ARHGAP24: variants seen among roughly 807,000 people sequenced by gnomAD.
ARHGAP24 encodes Rho GTPase activating protein 24, also known as rho GTPase-activating protein 24.
A neutral mutation model predicts 76.4 loss-of-function variants in ARHGAP24; 50 were observed. The observed-to-expected ratio is 0.65, with a 90% CI of 0.52 to 0.83. The LOEUF is 0.83. Among genes scored for constraint, ARHGAP24 ranks in the 40% least tolerant of loss-of-function variants. The pLI is 0.00. For missense variants in ARHGAP24, 930 were observed against 914.2 expected (o/e 1.02, Z -0.22); for synonymous variants, 345 against 323.3 (o/e 1.07, Z -0.72).
At chr4:85,786,328 C>G (rs893612369) in intron 3 of ARHGAP24, among the ~76,000 whole-genome samples, 2 of 152,164 alleles carry the variant, frequency 1.3e-5, no homozygotes, top group African/African-American at 2.4e-5. Context: ...CTTCCTTTCT[C>G]TCTTCATCTT....
At chr4:85,650,961 C>T (rs959234490) in intron 2 of ARHGAP24, among the ~76,000 whole-genome samples, 3 of 149,592 alleles carry the variant, frequency 2.0e-5, no homozygotes, top group Admixed American at 6.6e-5. Flanking sequence ...TATAAAGTCC[C>T]AGGATAACCT....
intron 2 of ARHGAP24, among the ~76,000 whole-genome samples, chr4:85,679,013 G>A (rs1247622307): frequency 6.6e-6 from 1 of 152,154 alleles, no homozygotes; most frequent in African/African-American, 2.4e-5. Flanking sequence ...AGGCGCAGGA[G>A]TCACGCAAAA....
Position 85,508,515 on chromosome 4 carries a change from T to A in ARHGAP24, c.-21+32956T>A, listed in dbSNP as rs532832590. Among the ~76,000 whole-genome samples, 7 of 152,288 alleles carry A rather than the reference T, an allele frequency of 4.6e-5. No individual in the cohort carries two copies. In the East Asian group the frequency reaches 1.2e-3, roughly 25 times the overall value. ...GACCTAAGGCAAAAAGACCGAGTTTTGTCATCTCCAGCCAAAAGAGAAACA... is the reference window on the plus strand; with the variant it reads ...GACCTAAGGCAAAAAGACCGAGTTTAGTCATCTCCAGCCAAAAGAGAAACA... On this transcript the variant is annotated intron_variant, in intron 1 of 9. Coordinates refer to ENST00000395184, the MANE Select transcript of ARHGAP24 (RefSeq NM_001025616.3).
intron 3 of ARHGAP24, among the ~76,000 whole-genome samples, chr4:85,756,837 T>A (rs951099061): frequency 6.6e-6 from 1 of 152,198 alleles, no homozygotes; most frequent in African/African-American, 2.4e-5. Context: ...AAGCCCCGTG[T>A]TGACCAAGGG....
At chr4:85,963,659 A>G (rs116697750) in intron 5 of ARHGAP24, among the ~76,000 whole-genome samples, 6,738 of 152,148 alleles carry the variant, frequency 0.044, 524 homozygotes, top group African/African-American at 0.15. Context: ...CTAAATTTTT[A>G]ATTTACATAG....
intron 2 of ARHGAP24, among the ~76,000 whole-genome samples, chr4:85,658,919 T>C (rs775707385): frequency 1.3e-5 from 2 of 152,210 alleles, no homozygotes; most frequent in African/African-American, 2.4e-5. Flanking sequence ...TCTTGTATTT[T>C]CAGTCTGTTC....
At chr4:85,960,584 G>A (rs989365914) in intron 5 of ARHGAP24, among the ~76,000 whole-genome samples, 4 of 151,994 alleles carry the variant, frequency 2.6e-5, no homozygotes, top group South Asian at 2.1e-4. Context: ...ATAAATATTC[G>A]ATGAATAAGT....
intron 3 of ARHGAP24, among the ~76,000 whole-genome samples, chr4:85,869,619 A>AT (rs1560684529): frequency 3.3e-5 from 5 of 151,556 alleles, no homozygotes; most frequent in Admixed American, 1.3e-4. Context: ...AAGGGAGGAC[A>AT]ATTTTTTTTC....
At chr4:85,680,405 G>A (rs892557110) in intron 2 of ARHGAP24, among the ~76,000 whole-genome samples, 5 of 152,070 alleles carry the variant, frequency 3.3e-5, no homozygotes, top group Admixed American at 6.6e-5. Context: ...ATGTGAAAAC[G>A]ACTTGCAAAA....
intron 3 of ARHGAP24, among the ~76,000 whole-genome samples, chr4:85,768,632 G>A (rs1276682956): frequency 6.6e-6 from 1 of 152,140 alleles, no homozygotes; most frequent in Non-Finnish European, 1.5e-5. Context: ...ACAAAAATTA[G>A]CCGGGTGTGG....
chr4:85,757,775 C>T lies in ARHGAP24; in HGVS notation c.268+35803C>T, dbSNP rs184465819. Among the ~76,000 whole-genome samples, 9 of 152,254 alleles carry T rather than the reference C, an allele frequency of 5.9e-5. No homozygotes were observed. The East Asian group carries it at 1.5e-3, about 26-fold the overall frequency. ...TCAAATGGTACTTCTAGTTCTAGATCCTTGAGGAATCACCATACTGTCTTC... is the reference window on the plus strand; with the variant it reads ...TCAAATGGTACTTCTAGTTCTAGATTCTTGAGGAATCACCATACTGTCTTC... On this transcript the variant is annotated intron_variant, in intron 3 of 9. Coordinates refer to ENST00000395184, the MANE Select transcript of ARHGAP24 (RefSeq NM_001025616.3).
intron 2 of ARHGAP24, among the ~76,000 whole-genome samples, chr4:85,588,922 C>T (rs1197204333): frequency 1.3e-5 from 2 of 152,200 alleles, no homozygotes; most frequent in Non-Finnish European, 2.9e-5. Context: ...GTTGAACTGA[C>T]TTGAAATGGA....
chr4:85,838,834 C>T (rs1244996886), intron 3 of ARHGAP24, among the ~76,000 whole-genome samples: 2 of 152,080 alleles, frequency 1.3e-5, no homozygotes, highest in African/African-American at 4.8e-5. Flanking sequence ...CAAACACCTG[C>T]TCTGTTCTTC....
intron 4 of ARHGAP24, among the ~76,000 whole-genome samples, chr4:85,937,689 A>G (rs1372474467): frequency 6.6e-6 from 1 of 152,158 alleles, no homozygotes; most frequent in Non-Finnish European, 1.5e-5. Context: ...GGAGACTGAC[A>G]GTTTTAAAGG....
intron 2 of ARHGAP24, among the ~76,000 whole-genome samples, chr4:85,670,160 T>C (rs1722775091): frequency 6.6e-6 from 1 of 152,166 alleles, no homozygotes; most frequent in Non-Finnish European, 1.5e-5. Context: ...TTTGGCTGCA[T>C]AAATAAGCTG....
intron 1 of ARHGAP24, among the ~76,000 whole-genome samples, chr4:85,564,455 T>C (rs934634494): frequency 1.3e-5 from 1 of 75,210 alleles, no homozygotes; most frequent in Admixed American, 1.5e-4. Flanking sequence ...GACGAGTTAA[T>C]GGGTGCAGCA....
intron 3 of ARHGAP24, among the ~76,000 whole-genome samples, chr4:85,913,626 C>G (rs1400243394): frequency 6.6e-6 from 1 of 152,072 alleles, no homozygotes; most frequent in African/African-American, 2.4e-5. Flanking sequence ...GTTTTATTCA[C>G]TGCTGTATCC....
intron 3 of ARHGAP24, among the ~76,000 whole-genome samples, chr4:85,800,600 A>AGAG (rs773800457): frequency 9.9e-5 from 15 of 151,984 alleles, no homozygotes; most frequent in Non-Finnish European, 2.9e-5. Flanking sequence ...AGAAGAAAAA[A>AGAG]GAGGAGGAGG....
At chr4:85,625,647 A>G (rs1172787042) in intron 2 of ARHGAP24, among the ~76,000 whole-genome samples, 1 of 152,102 alleles carries the variant, frequency 6.6e-6, no homozygotes, top group Non-Finnish European at 1.5e-5. Context: ...TTTCTTGTTG[A>G]TCTGTCTAAT....
Sources: gnomAD v4.1 joint callset for allele counts (sites outside exome capture counted in the v4.1 genomes callset) on GRCh38, gnomAD v4.1.1 for gene constraint, MANE v1.5 for transcripts, NCBI Gene and HGNC (gene_info 2026-07-23, HGNC 2026-07-21) for gene names.